Variants in MELK observed in about 807,000 individuals in gnomAD.
MELK encodes maternal embryonic leucine zipper kinase.
A neutral mutation model predicts 85.0 loss-of-function variants in MELK; 81 were observed. The observed-to-expected ratio is 0.95, with a 90% CI of 0.80 to 1.15. The LOEUF (loss-of-function observed/expected upper bound fraction) is 1.15. Among genes scored for constraint, MELK ranks in the 50% most tolerant of loss-of-function variants. The probability of loss-of-function intolerance (pLI) is 0.00; values close to 1 mark genes in which losing one functional copy is unlikely to be tolerated. For missense variants in MELK, 754 were observed against 777.5 expected (o/e 0.97, Z 0.36); for synonymous variants, 252 against 265.0 (o/e 0.95, Z 0.48).
At chr9:36,602,506 AAAG>A (rs1228989788) in intron 7 of MELK, among the ~76,000 whole-genome samples, 1 of 150,808 alleles carries the variant, frequency 6.6e-6, no homozygotes, top group African/African-American at 2.4e-5. Context: ...AAAAAAAAAA[AAAG>A]AGTTTCACAT....
At chr9:36,641,984 C>T (rs1184776079) in intron 10 of MELK, among the ~76,000 whole-genome samples, 1 of 152,132 alleles carries the variant, frequency 6.6e-6, no homozygotes, top group Non-Finnish European at 1.5e-5. Flanking sequence ...TCTGAGCTCC[C>T]TTCCAGGTCC....
chr9:36,598,070 C>T (rs1824481659), intron 6 of MELK, among the ~76,000 whole-genome samples: 1 of 152,196 alleles, frequency 6.6e-6, no homozygotes, highest in African/African-American at 2.4e-5. Flanking sequence ...CAAAGGGAAG[C>T]AGATTTTGCC....
In MELK at chr9:36,669,339, A is replaced by T. The variant is rs779228039; in HGVS notation, c.1438A>T (p.Ile480Phe). 1 of 1,610,356 alleles carries T rather than the reference A, an allele frequency of 6.2e-7. No homozygotes were observed. The highest frequency in any genetic ancestry group is 1.1e-5 in the South Asian group (1 of 90,128). Residue 480 changes from isoleucine (I) to phenylalanine (F), a missense_variant, in exon 15 of 18, where the codon ATT becomes TTT. Ile to Phe is a conservative substitution (Grantham distance 21). Transcript: ENST00000298048. ...AAACCAGTGCCTGAAAGAAACTCCA[A>T]TTAAAATACCAGTAAATTCAACAGG... Reference protein sequence around the residue: ...ARNQCLKETPIKIPVNSTGTD... With the variant: ...ARNQCLKETPFKIPVNSTGTD...
At chr9:36,584,093 C>T (rs919620767) in intron 3 of MELK, among the ~76,000 whole-genome samples, 74 of 151,724 alleles carry the variant, frequency 4.9e-4, no homozygotes, top group African/African-American at 1.8e-3. Context: ...GCAAGCTCCG[C>T]CTCCCGGGTT....
At chr9:36,635,339 C>G (rs1176414282) in intron 10 of MELK, among the ~76,000 whole-genome samples, 1 of 151,784 alleles carries the variant, frequency 6.6e-6, no homozygotes, top group East Asian at 1.9e-4. Context: ...TCTTGGCTGA[C>G]TACAACCTCC....
chr9:36,659,025 G>A (rs532045761), intron 13 of MELK, among the ~76,000 whole-genome samples: 114 of 152,226 alleles, frequency 7.5e-4, no homozygotes, highest in Non-Finnish European at 1.4e-3. Context: ...GGGACTACAG[G>A]TGCCCGCCAC....
chr9:36,671,292 T>A (rs1832866369), intron 16 of MELK, 126 bp downstream of exon 16: 4 of 1,134,442 alleles, frequency 3.5e-6, no homozygotes, highest in Non-Finnish European at 4.7e-6. Flanking sequence ...TTAGTTAATA[T>A]ATGTTTTTTG....
At chr9:36,648,982 C>A (rs1243691070) in intron 11 of MELK, among the ~76,000 whole-genome samples, 2 of 151,702 alleles carry the variant, frequency 1.3e-5, no homozygotes, top group Non-Finnish European at 2.9e-5. Flanking sequence ...AAAAAAAAAC[C>A]CCAGATATGC....
intron 14 of MELK, among the ~76,000 whole-genome samples, chr9:36,667,761 C>T (rs1307909204): frequency 6.6e-6 from 1 of 151,748 alleles, no homozygotes; most frequent in African/African-American, 2.4e-5. Flanking sequence ...CTCTCCTCTT[C>T]TCTTCTCTTT....
At chr9:36,676,820 TTGCGGATTAC>T (rs1833391286) in intron 17 of MELK, among the ~76,000 whole-genome samples, 1 of 152,248 alleles carries the variant, frequency 6.6e-6, no homozygotes, top group Admixed American at 6.5e-5. Flanking sequence ...TGCCCAATGT[TTGCGGATTAC>T]ACGTTGAAAG....
rs60212848 is a variant in MELK, at chr9:36,616,387, C to CTTT, written c.666+8732_666+8734dup. Among the ~76,000 whole-genome samples the CTTT allele has an allele frequency of 3.4e-4, 39 of 114,636 alleles. 1 individual carries two copies. The highest frequency in any genetic ancestry group is 8.9e-4 in the African/African-American group (27 of 30,180). 75.2% of individuals were successfully genotyped at this position (114,636 alleles called of 152,430 possible). On this transcript the variant is annotated intron_variant, in intron 8 of 17. Coordinates refer to ENST00000298048, the MANE Select transcript of MELK (RefSeq NM_014791.4). ...TTAAAGGTATCTAGCATGTCAAACTCTTTTTTTTTTTTTTTTTTTTAAGGC... is the reference window on the plus strand; with the variant it reads ...TTAAAGGTATCTAGCATGTCAAACTCTTTTTTTTTTTTTTTTTTTTTTTAAGGC...
At chr9:36,611,752 C>CCATTATTAT (rs781173894) in intron 8 of MELK, among the ~76,000 whole-genome samples, 1 of 145,404 alleles carries the variant, frequency 6.9e-6, no homozygotes, top group African/African-American at 2.6e-5. Context: ...ATAAATGTAG[C>CCATTATTAT]TATTATTATT....
At chr9:36,614,349 C>G (rs1323377460) in intron 8 of MELK, among the ~76,000 whole-genome samples, 2 of 151,476 alleles carry the variant, frequency 1.3e-5, no homozygotes, top group Non-Finnish European at 2.9e-5. Context: ...CCTGCCTCGG[C>G]CTCCCAAGGT....
intron 3 of MELK, among the ~76,000 whole-genome samples, chr9:36,585,993 A>G (rs529008002): frequency 6.6e-6 from 1 of 152,142 alleles, no homozygotes; most frequent in African/African-American, 2.4e-5. Flanking sequence ...CTTAATATTA[A>G]TTGTTACCTA....
At position 36,674,886 on chromosome 9, in the gene MELK, A is replaced by G; in HGVS notation, c.1727A>G (p.Asn576Ser). The change falls in exon 17 of 18, where the codon AAT becomes AGT. Residue 576 changes from asparagine to serine, a missense_variant. By Grantham distance (46) the Asn-to-Ser change is conservative. Transcript: ENST00000298048. ...TTAGTGAATCCAGATCAACTGTTGA[A>G]TGAAATAATGTCTATTCTTCCAAAG... ...TRLVNPDQLL[N>S]EIMSILPKKH... 1 of 1,600,524 alleles carries G rather than the reference A, an allele frequency of 6.2e-7. No individual in the cohort carries two copies. The highest frequency in any genetic ancestry group is 1.1e-5 in the South Asian group (1 of 90,804).
chr9:36,619,612 T>A (rs896448242), intron 8 of MELK, among the ~76,000 whole-genome samples: 2 of 151,442 alleles, frequency 1.3e-5, no homozygotes, highest in Non-Finnish European at 2.9e-5. Flanking sequence ...TATGTAGATT[T>A]AAAAAAAAAT....
intron 8 of MELK, among the ~76,000 whole-genome samples, chr9:36,623,111 A>G (rs1449965094): frequency 6.6e-6 from 1 of 152,192 alleles, no homozygotes; most frequent in Non-Finnish European, 1.5e-5. Context: ...TAGGATGTTT[A>G]GCAGCATCCA....
intron 7 of MELK, 134 bp from the exon 8 acceptor site, chr9:36,607,441 C>G: frequency 1.5e-6 from 1 of 672,234 alleles, no homozygotes; most frequent in East Asian, 2.6e-5. Flanking sequence ...ATAGAATAAG[C>G]AGGTTGAAAT....
At chr9:36,599,078 C>T (rs952752251) in intron 6 of MELK, among the ~76,000 whole-genome samples, 2 of 152,018 alleles carry the variant, frequency 1.3e-5, no homozygotes, top group African/African-American at 4.8e-5. Context: ...GGTGGATCAC[C>T]TGAAGTCTGG....
Sources: allele counts gnomAD v4.1 joint callset (sites outside exome capture counted in the v4.1 genomes callset), GRCh38; gene constraint gnomAD v4.1.1; transcripts MANE v1.5; gene names NCBI Gene and HGNC (gene_info 2026-07-23, HGNC 2026-07-21).